FRAS1: variants seen among roughly 807,000 people sequenced by gnomAD.
FRAS1 encodes the protein Fraser extracellular matrix complex subunit 1.
FRAS1 carries 290 observed loss-of-function variants against 435.2 expected under a neutral mutation model. That is an observed-to-expected ratio of 0.67 (90% CI 0.61 to 0.73). The LOEUF is 0.73. Ranked by LOEUF, FRAS1 falls within the 30% of genes least tolerant of loss-of-function variation. The pLI is 0.00. For missense variants in FRAS1, 4,860 were observed against 5,001.5 expected (o/e 0.97, Z 0.85); for synonymous variants, 1,800 against 1,851.0 (o/e 0.97, Z 0.71).
rs562970493 is a variant in FRAS1, at chr4:78,331,753, T to C, written c.2138-1519T>C. ...CTGCATGAAGAACCAGGTCTTTGTCTTACTCATTATTGTATCCCCAGTACT... is the reference window on the plus strand; with the variant it reads ...CTGCATGAAGAACCAGGTCTTTGTCCTACTCATTATTGTATCCCCAGTACT... On this transcript the variant is annotated intron_variant, in intron 18 of 73. Transcript: ENST00000512123. Among the ~76,000 whole-genome samples, 87 of 152,342 alleles carry C rather than the reference T, an allele frequency of 5.7e-4. 1 individual carries two copies. The highest frequency in any genetic ancestry group is 2.1e-3 in the African/African-American group (86 of 41,586).
chr4:78,313,391 A>G (rs1374380572), intron 15 of FRAS1, among the ~76,000 whole-genome samples: 2 of 152,130 alleles, frequency 1.3e-5, no homozygotes, highest in East Asian at 3.8e-4. Context: ...CTTTTTTCTT[A>G]TGTTCTCAAA....
chr4:78,216,819 G>C (rs4510481), intron 2 of FRAS1, among the ~76,000 whole-genome samples: 146,311 of 152,192 alleles, frequency 0.96, 70,572 homozygotes, highest in East Asian at 1. Context: ...GTGAGAGGAA[G>C]TGGGTCAGGA....
At chr4:78,191,789 G>A (rs1224283437) in intron 2 of FRAS1, among the ~76,000 whole-genome samples, 2 of 152,018 alleles carry the variant, frequency 1.3e-5, no homozygotes, top group African/African-American at 2.4e-5. Flanking sequence ...AGAACATGCG[G>A]TATTTGGTTT....
chr4:78,420,013 A>G (rs1733708995), intron 33 of FRAS1, among the ~76,000 whole-genome samples: 1 of 150,506 alleles, frequency 6.6e-6, no homozygotes, highest in Admixed American at 6.6e-5. Context: ...AACATTGAGG[A>G]TTACAATTGA....
At position 78,481,847 on chromosome 4, in the gene FRAS1, T is replaced by C. The variant is rs749094503; in HGVS notation, c.8487T>C (p.Ser2829=). 6.2e-7 allele frequency: 1 copy of C among 1,613,902 alleles called. No homozygotes were observed. Among genetic ancestry groups the C allele is most frequent in the Non-Finnish European group, 8.5e-7 (1 of 1,179,788 alleles). ...TTATCCGCCATGGTACTGACCTCTC[T>C]ACTTTCGCATCTGTCTGGTGTGCAA... is the stretch of plus-strand genomic sequence containing the variant. ...IPVIRHGTDL[S]TFASVWCATR... Residue 2829 remains serine (S), a synonymous_variant, in exon 57 of 74, where the codon TCT becomes TCC. Coordinates refer to ENST00000512123, the MANE Select transcript of FRAS1 (RefSeq NM_025074.7).
In FRAS1 at chr4:78,374,178, C is replaced by T. The variant is rs778139152; in HGVS notation, c.3078C>T (p.Leu1026=). ...HECTRCKGPF[L]LLEAQCVQEC... Reference sequence around the variant, plus strand: ...GTACCCGCTGCAAAGGGCCATTTCTCCTCTTGGAAGCCCAGTGTGTCCAGG... The same window carrying T: ...GTACCCGCTGCAAAGGGCCATTTCTTCTCTTGGAAGCCCAGTGTGTCCAGG... Residue 1026 remains leucine (L), a synonymous_variant, in exon 25 of 74, where the codon CTC becomes CTT. Coordinates refer to ENST00000512123, the MANE Select transcript of FRAS1 (RefSeq NM_025074.7). The T allele has an allele frequency of 3.9e-5, 63 of 1,606,958 alleles. No individual in the cohort carries two copies. In the Admixed American group the frequency reaches 7.2e-4, roughly 18 times the overall value.
intron 69 of FRAS1, among the ~76,000 whole-genome samples, chr4:78,525,467 T>TA (rs1202686163): frequency 4.6e-5 from 7 of 152,222 alleles, no homozygotes; most frequent in Middle Eastern, 3.2e-3. Flanking sequence ...GCTGAGGTTC[T>TA]ACTGGTTCCC....
rs1008918844 is a variant in FRAS1, at chr4:78,466,519, G to A, written c.7257+84G>A. The A allele has an allele frequency of 6.9e-6, 7 of 1,017,038 alleles. No homozygotes were observed. The African/African-American group carries it at 8.0e-5, about 12-fold the overall frequency. The allele number at this position is 1,017,038 out of a possible 1,614,324, so 63.0% of individuals were successfully genotyped here. Reference sequence around the variant, plus strand: ...GGAGTTTTACATCAAGCATACCATTGTTTGAGTTCTCGTTCTATCAGTAGC... The same window carrying A: ...GGAGTTTTACATCAAGCATACCATTATTTGAGTTCTCGTTCTATCAGTAGC... On this transcript the variant is annotated intron_variant, in intron 50 of 73. Coordinates refer to ENST00000512123, the MANE Select transcript of FRAS1 (RefSeq NM_025074.7).
At chr4:78,091,867 C>T (rs1248764365) in intron 2 of FRAS1, among the ~76,000 whole-genome samples, 1 of 146,790 alleles carries the variant, frequency 6.8e-6, no homozygotes, top group African/African-American at 2.5e-5. Flanking sequence ...AGTTTTGAGA[C>T]TGGGTATAGT....
At chr4:78,434,296 T>C (rs926587339) in intron 38 of FRAS1, among the ~76,000 whole-genome samples, 3 of 152,178 alleles carry the variant, frequency 2.0e-5, no homozygotes, top group Non-Finnish European at 4.4e-5. Context: ...TTAGCAGTGG[T>C]CTTATATACA....
intron 58 of FRAS1, 141 bp from the exon 59 acceptor site, chr4:78,488,734 G>T: frequency 1.5e-6 from 1 of 659,350 alleles, no homozygotes. Flanking sequence ...GAATCTGCTT[G>T]CCACCTGTGA....
At chr4:78,454,734 G>T (rs2109838152) in intron 47 of FRAS1, among the ~76,000 whole-genome samples, 1 of 152,292 alleles carries the variant, frequency 6.6e-6, no homozygotes, top group Non-Finnish European at 1.5e-5. Flanking sequence ...TTGCCTCCCT[G>T]CTGGTCAGTA....
rs539836466 is a variant in FRAS1, at chr4:78,237,669, C to G, written c.216+52C>G. 29 of 1,018,034 alleles carry G rather than the reference C, an allele frequency of 2.8e-5. No homozygotes were observed. The East Asian group carries it at 6.4e-4, about 23-fold the overall frequency. The allele number at this position is 1,018,034 out of a possible 1,614,324, so 63.1% of individuals were successfully genotyped here. A position where few individuals can be genotyped will look rare whatever the true frequency, so the allele number is the denominator to read the frequency against. ...TGTATTGGTAAAGTCAGTGAAGGGTCAGGTTTTTGGATCATTTCAGACATC... is the reference window on the plus strand; with the variant it reads ...TGTATTGGTAAAGTCAGTGAAGGGTGAGGTTTTTGGATCATTTCAGACATC... On this transcript the variant is annotated intron_variant, in intron 3 of 73. Coordinates refer to ENST00000512123, the MANE Select transcript of FRAS1 (RefSeq NM_025074.7).
chr4:78,088,365 T>C lies in FRAS1; in HGVS notation c.108+22349T>C, dbSNP rs184763805. ...GGCAATACCATTCAGGACATAGGCA[T>C]GGGCAAGGACTTCATGTCTAAAACA... On this transcript the variant is annotated intron_variant, in intron 2 of 73. Coordinates refer to ENST00000512123, the MANE Select transcript of FRAS1 (RefSeq NM_025074.7). Among the ~76,000 whole-genome samples, 3 of 152,220 alleles carry C rather than the reference T, an allele frequency of 2.0e-5. No homozygotes were observed. In the South Asian group the frequency reaches 6.2e-4, roughly 32 times the overall value.
chr4:78,174,140 T>C, intron 2 of FRAS1, among the ~76,000 whole-genome samples: 1 of 152,198 alleles, frequency 6.6e-6, no homozygotes, highest in East Asian at 1.9e-4. Flanking sequence ...TTTGACTCTC[T>C]GAATGAGCCT....
intron 2 of FRAS1, among the ~76,000 whole-genome samples, chr4:78,199,616 A>G (rs1205777386): frequency 6.6e-6 from 1 of 152,244 alleles, no homozygotes; most frequent in Non-Finnish European, 1.5e-5. Context: ...CAAAATGTCA[A>G]TTTATCTTTT....
At chr4:78,191,028 A>G (rs1424611818) in intron 2 of FRAS1, among the ~76,000 whole-genome samples, 2 of 152,230 alleles carry the variant, frequency 1.3e-5, no homozygotes, top group Non-Finnish European at 2.9e-5. Flanking sequence ...GTGCACACTG[A>G]AAAACACTCA....
intron 2 of FRAS1, among the ~76,000 whole-genome samples, chr4:78,092,381 A>G (rs1357538721): frequency 6.6e-6 from 1 of 152,190 alleles, no homozygotes; most frequent in African/African-American, 2.4e-5. Context: ...ACAGTTCCAC[A>G]TGGCTGAGGA....
At chr4:78,507,387 C>A (rs764001754) in intron 61 of FRAS1, 34 bp from the exon 62 acceptor site, 3 of 1,575,924 alleles carry the variant, frequency 1.9e-6, no homozygotes, top group Non-Finnish European at 2.6e-6. Flanking sequence ...CCTAATGAAG[C>A]CTTTGCTCTC....
Sources: allele counts gnomAD v4.1 joint callset (sites outside exome capture counted in the v4.1 genomes callset), GRCh38; gene constraint gnomAD v4.1.1; transcripts MANE v1.5; gene names NCBI Gene and HGNC (gene_info 2026-07-23, HGNC 2026-07-21).